PPA2: variants seen among roughly 807,000 people sequenced by gnomAD.
The protein encoded by PPA2 is inorganic pyrophosphatase 2, mitochondrial.
Under a neutral mutation model 49.5 loss-of-function variants are expected in PPA2, and 48 were observed. The ratio of observed to expected loss-of-function variants is 0.97; its 90% CI spans 0.77 to 1.23. PPA2 has a LOEUF of 1.23. PPA2 is among the 50% of genes most tolerant of loss of function. The pLI, the probability that PPA2 is intolerant of heterozygous loss-of-function variation, is 0.00. For missense variants in PPA2, 429 were observed against 410.1 expected (o/e 1.05, Z -0.40); for synonymous variants, 131 against 139.9 (o/e 0.94, Z 0.45).
intron 8 of PPA2, among the ~76,000 whole-genome samples, chr4:105,396,665 C>T (rs1734161984): frequency 7.9e-6 from 1 of 125,866 alleles, no homozygotes; most frequent in African/African-American, 2.5e-5. Flanking sequence ...TTGTGTTTGG[C>T]CTATGCTGCT....
intron 2 of PPA2, 112 bp from the exon 3 acceptor site, chr4:105,453,754 A>G (rs1722762303): frequency 1.4e-6 from 1 of 734,262 alleles, no homozygotes; most frequent in Non-Finnish European, 2.1e-6. Context: ...AAGACTGTCC[A>G]GAAATCTGAG....
chr4:105,393,322 T>C (rs1197397642), intron 9 of PPA2, among the ~76,000 whole-genome samples: 3 of 151,680 alleles, frequency 2.0e-5, no homozygotes, highest in Non-Finnish European at 4.4e-5. Context: ...AGCGAGACCC[T>C]GTCCATTCAA....
chr4:105,440,911 C>T (rs1724330494), intron 5 of PPA2, among the ~76,000 whole-genome samples: 1 of 152,140 alleles, frequency 6.6e-6, no homozygotes. Context: ...TCATGATTTT[C>T]CTTACCAGCA....
rs536875378 is a variant in PPA2 at position 105,379,793 on chromosome 4, C to A, written c.939+6774G>T. ...GGATTACAGGTGTGCATCACCATGCCCGCCTTATTTTTGTATATTTAGTAA... is the reference window on the plus strand; with the variant it reads ...GGATTACAGGTGTGCATCACCATGCACGCCTTATTTTTGTATATTTAGTAA... On this transcript the variant is annotated intron_variant, in intron 10 of 11. Coordinates refer to ENST00000341695, the MANE Select transcript of PPA2 (RefSeq NM_176869.3). 2.1e-3 allele frequency among the ~76,000 whole-genome samples: 313 copies of A among 152,086 alleles called. 2 individuals carry two copies. Among genetic ancestry groups the A allele is most frequent in the Admixed American group, 3.0e-3 (46 of 15,266 alleles).
At chr4:105,387,154 C>A (rs1183484637) in intron 9 of PPA2, among the ~76,000 whole-genome samples, 1 of 152,128 alleles carries the variant, frequency 6.6e-6, no homozygotes, top group Non-Finnish European at 1.5e-5. Context: ...ATAGCAGCTC[C>A]TTCCCTGACT....
chr4:105,431,860 G>C (rs1723813645), intron 6 of PPA2, among the ~76,000 whole-genome samples: 1 of 152,174 alleles, frequency 6.6e-6, no homozygotes, highest in African/African-American at 2.4e-5. Context: ...CCATTTACAT[G>C]AAATATCCAG....
Position 105,416,272 on chromosome 4 carries a change from G to A in PPA2, c.655+7924C>T, listed in dbSNP as rs370863043. Among the ~76,000 whole-genome samples, 141 of 152,292 alleles carry A rather than the reference G, an allele frequency of 9.3e-4. 1 individual carries two copies. The highest frequency in any genetic ancestry group is 3.3e-3 in the African/African-American group (136 of 41,570). ...CCACCCAGCCATAACACAAAGTGAA[G>A]AAAGCATACAATCGGCTGAGAATTT... On this transcript the variant is annotated intron_variant, in intron 7 of 11. Coordinates refer to ENST00000341695, the MANE Select transcript of PPA2 (RefSeq NM_176869.3).
intron 10 of PPA2, among the ~76,000 whole-genome samples, chr4:105,375,054 A>T (rs1044802646): frequency 1.3e-5 from 2 of 151,672 alleles, no homozygotes; most frequent in Non-Finnish European, 2.9e-5. Flanking sequence ...CATTCATTTT[A>T]CTTTTCACAC....
chr4:105,461,246 G>A (rs1413050836), intron 1 of PPA2, among the ~76,000 whole-genome samples: 1 of 152,206 alleles, frequency 6.6e-6, no homozygotes, highest in South Asian at 2.1e-4. Context: ...ATGCTCAGTT[G>A]AGCTTCATGC....
intron 7 of PPA2, among the ~76,000 whole-genome samples, chr4:105,399,925 CT>C (rs1182126093): frequency 6.6e-6 from 1 of 152,194 alleles, no homozygotes; most frequent in Non-Finnish European, 1.5e-5. Flanking sequence ...AAATCTTGCA[CT>C]GTCCTGCTCC....
At chr4:105,408,904 A>C (rs1013257654) in intron 7 of PPA2, among the ~76,000 whole-genome samples, 1 of 152,230 alleles carries the variant, frequency 6.6e-6, no homozygotes, top group Non-Finnish European at 1.5e-5. Context: ...GGATTCTAAA[A>C]TCTGTACACA....
intron 10 of PPA2, among the ~76,000 whole-genome samples, chr4:105,375,301 A>G (rs1430201714): frequency 6.6e-6 from 1 of 151,976 alleles, no homozygotes; most frequent in Non-Finnish European, 1.5e-5. Flanking sequence ...AAAGAGAAAG[A>G]AGAGGGAGAA....
At chr4:105,418,527 A>G (rs762644012) in intron 7 of PPA2, among the ~76,000 whole-genome samples, 9 of 152,212 alleles carry the variant, frequency 5.9e-5, no homozygotes, top group Non-Finnish European at 8.8e-5. Flanking sequence ...TTTTAGGACA[A>G]GTGTGATGCC....
intron 11 of PPA2, 115 bp downstream of exon 11, chr4:105,370,722 G>T: frequency 1.7e-6 from 2 of 1,211,206 alleles, no homozygotes; most frequent in South Asian, 2.1e-5. Flanking sequence ...ATTTCACTTA[G>T]CTTATACAGC....
At chr4:105,466,107 G>C (rs1232256353) in intron 1 of PPA2, among the ~76,000 whole-genome samples, 1 of 151,958 alleles carries the variant, frequency 6.6e-6, no homozygotes, top group Non-Finnish European at 1.5e-5. Context: ...ACCTTCTACT[G>C]ACTTACTTGT....
intron 10 of PPA2, among the ~76,000 whole-genome samples, chr4:105,374,907 GTCTGGAAC>G (rs1316164046): frequency 3.4e-5 from 5 of 148,692 alleles, no homozygotes; most frequent in Non-Finnish European, 7.4e-5. Context: ...GGCCAGGCTG[GTCTGGAAC>G]TCCTGAACTC....
At chr4:105,417,391 G>A (rs2110260188) in intron 7 of PPA2, among the ~76,000 whole-genome samples, 1 of 152,136 alleles carries the variant, frequency 6.6e-6, no homozygotes, top group South Asian at 2.1e-4. Context: ...AAAAACCCTA[G>A]GGATCTTTTA....
chr4:105,457,979 T>C (rs1722936252), intron 1 of PPA2, among the ~76,000 whole-genome samples: 1 of 152,076 alleles, frequency 6.6e-6, no homozygotes, highest in African/African-American at 2.4e-5. Context: ...GAGCATCTTG[T>C]AGGGTCAGAA....
chr4:105,400,701 G>C (rs969168328), intron 7 of PPA2, among the ~76,000 whole-genome samples: 4 of 152,072 alleles, frequency 2.6e-5, no homozygotes, highest in African/African-American at 9.7e-5. Context: ...CTCTTCCACT[G>C]TATATAACTT....
Sources: allele counts gnomAD v4.1 joint callset (sites outside exome capture counted in the v4.1 genomes callset), GRCh38; gene constraint gnomAD v4.1.1; transcripts MANE v1.5; gene names NCBI Gene and HGNC (gene_info 2026-07-23, HGNC 2026-07-21).